The following ZHX3 variants were observed in gnomAD, a reference collection of about 807,000 sequenced individuals.
ZHX3 encodes the protein zinc fingers and homeoboxes protein 3.
A neutral mutation model predicts 64.5 loss-of-function variants in ZHX3; 20 were observed. The observed-to-expected ratio is 0.31, with a 90% CI of 0.22 to 0.45. The LOEUF (loss-of-function observed/expected upper bound fraction) is 0.45, where lower values mean the gene tolerates loss of function less well. Among genes scored for constraint, ZHX3 ranks in the 20% least tolerant of loss-of-function variants. The probability of loss-of-function intolerance (pLI) is 1.00; values close to 1 mark genes in which losing one functional copy is unlikely to be tolerated. For synonymous variants in ZHX3, 423 were observed against 461.6 expected (o/e 0.92, Z 1.07); for missense variants, 1,041 against 1,195.8 (o/e 0.87, Z 1.91).
At chr20:41,286,004 T>C (rs1019314443) in intron 1 of ZHX3, among the ~76,000 whole-genome samples, 2 of 152,204 alleles carry the variant, frequency 1.3e-5, no homozygotes, top group Non-Finnish European at 2.9e-5. Context: ...AACATTATAA[T>C]AGCATCAGAG....
rs373487138 is a variant in ZHX3 at position 41,287,190 on chromosome 20, A to AC, written c.-244-18108dup. 4.5e-3 allele frequency among the ~76,000 whole-genome samples: 687 copies of AC among 152,210 alleles called. 8 individuals carry two copies. Among genetic ancestry groups the AC allele is most frequent in the African/African-American group, 0.016 (650 of 41,532 alleles). ...TCAATCATTTATCCCAGGAATCCAC[A>AC]CCTGTTCCCTTTATCTTCCTCAGAA... On this transcript the variant is annotated intron_variant, in intron 1 of 3. Coordinates refer to ENST00000683867, the MANE Select transcript of ZHX3 (RefSeq NM_001384317.1).
chr20:41,254,304 G>A (rs746544658), intron 2 of ZHX3, among the ~76,000 whole-genome samples: 14 of 152,144 alleles, frequency 9.2e-5, no homozygotes, highest in Non-Finnish European at 1.5e-4. Flanking sequence ...GGTACAAGTT[G>A]CTTAACCCCA....
chr20:41,231,445 C>T (rs1246220173), intron 2 of ZHX3, among the ~76,000 whole-genome samples: 1 of 152,198 alleles, frequency 6.6e-6, no homozygotes. Context: ...CTTTAACCCC[C>T]TCCCTCACCT....
At chr20:41,209,963 A>G (rs2146276607) in intron 2 of ZHX3, among the ~76,000 whole-genome samples, 1 of 152,364 alleles carries the variant, frequency 6.6e-6, no homozygotes, top group Middle Eastern at 3.4e-3. Flanking sequence ...AAGGGCTAAT[A>G]TCCAGAATCT....
At chr20:41,308,313 G>C (rs2045037756) in intron 1 of ZHX3, among the ~76,000 whole-genome samples, 1 of 152,196 alleles carries the variant, frequency 6.6e-6, no homozygotes, top group Non-Finnish European at 1.5e-5. Flanking sequence ...CATTTGACTA[G>C]CTCCCTGTAG....
At chr20:41,312,812 C>A (rs566095300) in intron 1 of ZHX3, among the ~76,000 whole-genome samples, 1 of 152,236 alleles carries the variant, frequency 6.6e-6, no homozygotes, top group East Asian at 1.9e-4. Flanking sequence ...GGAGAGGGAG[C>A]ACGTCAGAGT....
At chr20:41,247,119 G>C (rs2041741206) in intron 2 of ZHX3, among the ~76,000 whole-genome samples, 1 of 151,988 alleles carries the variant, frequency 6.6e-6, no homozygotes. Context: ...AATTAGATGG[G>C]CATTGTGGCG....
intron 1 of ZHX3, among the ~76,000 whole-genome samples, chr20:41,316,383 G>A (rs559588899): frequency 6.6e-6 from 1 of 152,194 alleles, no homozygotes; most frequent in South Asian, 2.1e-4. Flanking sequence ...CTCCTTCTCC[G>A]TGGTTCAGAA....
At chr20:41,193,234 G>A (rs1040309447) in intron 3 of ZHX3, among the ~76,000 whole-genome samples, 8 of 152,058 alleles carry the variant, frequency 5.3e-5, no homozygotes, top group African/African-American at 1.9e-4. Context: ...ATTTTACATT[G>A]ACTCTGTAGT....
chr20:41,260,660 C>T (rs1189227434), intron 2 of ZHX3, among the ~76,000 whole-genome samples: 2 of 152,182 alleles, frequency 1.3e-5, no homozygotes, highest in Non-Finnish European at 2.9e-5. Context: ...CACCATTTTT[C>T]CCTAGAACAG....
chr20:41,294,603 T>C (rs2044413576), intron 1 of ZHX3, among the ~76,000 whole-genome samples: 3 of 152,176 alleles, frequency 2.0e-5, no homozygotes. Context: ...CCTCAAGTGA[T>C]CCATCCACCT....
At chr20:41,314,335 T>C (rs1306108360) in intron 1 of ZHX3, among the ~76,000 whole-genome samples, 1 of 152,168 alleles carries the variant, frequency 6.6e-6, no homozygotes, top group Non-Finnish European at 1.5e-5. Context: ...AAATTAAGTA[T>C]ACCTGCTAGG....
intron 2 of ZHX3, among the ~76,000 whole-genome samples, chr20:41,266,633 C>A (rs918215805): frequency 1.3e-5 from 2 of 151,716 alleles, no homozygotes; most frequent in Non-Finnish European, 2.9e-5. Context: ...GCAAGCTCCG[C>A]CCCCCAGGTT....
At chr20:41,225,134 G>A (rs1187435927) in intron 2 of ZHX3, among the ~76,000 whole-genome samples, 1 of 152,248 alleles carries the variant, frequency 6.6e-6, no homozygotes, top group African/African-American at 2.4e-5. Flanking sequence ...ACTGTGGACT[G>A]TGTATTCCTG....
chr20:41,207,955 AAAG>A (rs1406257607), intron 2 of ZHX3, among the ~76,000 whole-genome samples: 1 of 152,200 alleles, frequency 6.6e-6, no homozygotes, highest in Non-Finnish European at 1.5e-5. Flanking sequence ...CAAGACTAAT[AAAG>A]AAGAAAAGAG....
At chr20:41,250,551 T>A (rs913228149) in intron 2 of ZHX3, among the ~76,000 whole-genome samples, 1 of 151,920 alleles carries the variant, frequency 6.6e-6, no homozygotes, top group African/African-American at 2.4e-5. Context: ...CCAACACTTA[T>A]GAAACAATAG....
At chr20:41,296,232 TAA>T (rs57987896) in intron 1 of ZHX3, among the ~76,000 whole-genome samples, 17 of 72,980 alleles carry the variant, frequency 2.3e-4, no homozygotes, top group African/African-American at 8.0e-4. Flanking sequence ...GTTCATAAAG[TAA>T]AAAAAAAAAA....
chr20:41,196,457 T>TATTTATATAAATATATA (rs11480834), intron 3 of ZHX3, among the ~76,000 whole-genome samples: 6 of 1,368 alleles, frequency 4.4e-3, no homozygotes, highest in Non-Finnish European at 5.6e-3. Context: ...ATATAATATA[T>TATTTATATAAATATATA]TTATATATAA....
intron 2 of ZHX3, among the ~76,000 whole-genome samples, chr20:41,255,212 C>T (rs766161637): frequency 5.3e-5 from 8 of 152,052 alleles, no homozygotes; most frequent in Admixed American, 3.3e-4. Flanking sequence ...AGTGCAGTGG[C>T]GCCATCTCGG....
Sources: allele counts gnomAD v4.1 joint callset (sites outside exome capture counted in the v4.1 genomes callset), GRCh38; gene constraint gnomAD v4.1.1; transcripts MANE v1.5; gene names NCBI Gene and HGNC (gene_info 2026-07-23, HGNC 2026-07-21).